Variants in MORN1 observed in about 807,000 individuals in gnomAD.
MORN1 encodes the protein MORN repeat containing 1.
MORN1 carries 67 observed loss-of-function variants against 61.9 expected under a neutral mutation model. That is an observed-to-expected ratio of 1.08 (90% CI 0.89 to 1.33). The LOEUF is 1.33. Among genes scored for constraint, MORN1 ranks in the 40% most tolerant of loss-of-function variants. The pLI is 0.00. For synonymous variants in MORN1, 301 were observed against 292.0 expected (o/e 1.03, Z -0.31); for missense variants, 752 against 691.2 (o/e 1.09, Z -0.99).
intron 10 of MORN1, among the ~76,000 whole-genome samples, chr1:2,338,597 G>A (rs1045154707): frequency 2.0e-5 from 3 of 152,198 alleles, no homozygotes; most frequent in Non-Finnish European, 2.9e-5. Context: ...TGGTTCACAC[G>A]GTGGCGGGGG....
chr1:2,372,121 T>A lies in MORN1; in HGVS notation c.745+360A>T. Reference sequence around the variant, plus strand: ...AGCAGAAAGTAGCCCCTCACTAGAATGGAAGACTGTTCCTCCTAAAAAGGA... The same window carrying A: ...AGCAGAAAGTAGCCCCTCACTAGAAAGGAAGACTGTTCCTCCTAAAAAGGA... On this transcript the variant is annotated intron_variant, in intron 8 of 13. Coordinates refer to ENST00000378531, the MANE Select transcript of MORN1 (RefSeq NM_024848.3). This position sits in a 1 kb window ranked among gnomAD's most constrained non-coding sequence, Gnocchi z 5.4. The A allele has an allele frequency of 4.2e-6, 1 of 239,476 alleles. No homozygotes were observed. The highest frequency in any genetic ancestry group is 5.2e-5 in the South Asian group (1 of 19,108). The allele number at this position is 239,476 out of a possible 1,614,324, so 14.8% of individuals were successfully genotyped here.
At chr1:2,386,144 G>A (rs1642493580) in intron 4 of MORN1, 1 of 519,342 alleles carries the variant, frequency 1.9e-6, no homozygotes. Flanking sequence ...AGCTGACAGG[G>A]CAGCAAAAAT....
At chr1:2,388,799 A>AAG (rs1265589256) in intron 2 of MORN1, among the ~76,000 whole-genome samples, 27 of 129,938 alleles carry the variant, frequency 2.1e-4, no homozygotes, top group East Asian at 7.5e-4. Flanking sequence ...AAAAAAAAAA[A>AAG]AGAGAGAGAG....
intron 12 of MORN1, among the ~76,000 whole-genome samples, chr1:2,335,834 A>AGCCCGGCCCAGCCCAGCCCGGCCCG: frequency 7.0e-6 from 1 of 143,100 alleles, no homozygotes; most frequent in African/African-American, 3.0e-5. Context: ...TCCATAGCCC[A>AGCCCGGCCCAGCCCAGCCCGGCCCG]GCCCAGCCCA....
chr1:2,321,313 CAG>C lies in MORN1; in HGVS notation c.*68_*69del, dbSNP rs1640873694. 1.7e-6 allele frequency: 2 copies of C among 1,152,522 alleles called. No homozygotes were observed. Among genetic ancestry groups the C allele is most frequent in the Non-Finnish European group, 2.4e-6 (2 of 843,194 alleles). The allele number at this position is 1,152,522 out of a possible 1,614,324, so 71.4% of individuals were successfully genotyped here. On this transcript the variant is annotated 3_prime_UTR_variant, in exon 14 of 14. Transcript: ENST00000378531. ...CACGGGGCTCTGGAGAATCGGGGAG[CAG>C]AGTCACGCAAGCAGAGGCAGCGTTT...
intron 13 of MORN1, chr1:2,322,367 C>T (rs748267193): frequency 2.4e-5 from 24 of 985,284 alleles, no homozygotes; most frequent in Non-Finnish European, 2.9e-5. Flanking sequence ...GAAATGGGGG[C>T]AGGAGTCGGC....
intron 10 of MORN1, among the ~76,000 whole-genome samples, chr1:2,346,786 G>A (rs1448515276): frequency 6.6e-5 from 10 of 152,302 alleles, no homozygotes; most frequent in South Asian, 2.1e-4. Context: ...CCCTCAGGGT[G>A]TTCCAGCCCC....
chr1:2,326,927 C>T (rs556211927), intron 12 of MORN1, among the ~76,000 whole-genome samples: 2 of 152,254 alleles, frequency 1.3e-5, no homozygotes, highest in Non-Finnish European at 2.9e-5. Context: ...TGTTCTGCAG[C>T]GCTGGACGTC....
In MORN1 at chr1:2,332,887, G is replaced by A. The variant is rs764405501; in HGVS notation, c.1250+3582C>T. On this transcript the variant is annotated intron_variant, in intron 12 of 13. Coordinates refer to ENST00000378531, the MANE Select transcript of MORN1 (RefSeq NM_024848.3). Reference sequence around the variant, plus strand: ...GCGCCTCGAGGGGCCAAGCTCTGTCGGGGACTGGGGCTCGGGCTGGGGCTC... The same window carrying A: ...GCGCCTCGAGGGGCCAAGCTCTGTCAGGGACTGGGGCTCGGGCTGGGGCTC... 14 of 366,956 alleles carry A rather than the reference G, an allele frequency of 3.8e-5. 1 individual carries two copies. Among genetic ancestry groups the A allele is most frequent in the Middle Eastern group, 8.4e-4 (1 of 1,192 alleles). The allele number at this position is 366,956 out of a possible 1,614,324, so 22.7% of individuals were successfully genotyped here.
At chr1:2,351,777 A>G (rs80172018) in intron 10 of MORN1, 29 of 563,206 alleles carry the variant, frequency 5.1e-5, no homozygotes, top group Non-Finnish European at 9.5e-5. Context: ...GAAGGTGCCA[A>G]TGAAGACTCG....
intron 10 of MORN1, among the ~76,000 whole-genome samples, chr1:2,342,986 G>A (rs1284779311): frequency 2.6e-5 from 4 of 151,430 alleles, no homozygotes; most frequent in Admixed American, 6.6e-5. Context: ...CAATCCTCCC[G>A]CCTCAGCCTC....
At chr1:2,368,666 A>G (rs1280033683) in intron 8 of MORN1, among the ~76,000 whole-genome samples, 1 of 152,198 alleles carries the variant, frequency 6.6e-6, no homozygotes. Flanking sequence ...CAAATGGCCC[A>G]TAGCACACAA....
chr1:2,358,383 C>A (rs1439233820), intron 9 of MORN1, among the ~76,000 whole-genome samples: 2 of 152,024 alleles, frequency 1.3e-5, no homozygotes, highest in Admixed American at 6.5e-5. Flanking sequence ...ACCAGGGGCT[C>A]GCGGTCTCAG....
intron 8 of MORN1, among the ~76,000 whole-genome samples, chr1:2,369,146 T>C (rs933874420): frequency 2.7e-5 from 4 of 150,570 alleles, no homozygotes; most frequent in African/African-American, 4.9e-5. Flanking sequence ...AGTCAGGAGA[T>C]TGAGATCATC....
intron 8 of MORN1, among the ~76,000 whole-genome samples, chr1:2,359,471 C>T (rs1004267976): frequency 3.3e-5 from 5 of 152,248 alleles, no homozygotes; most frequent in East Asian, 1.9e-4. Context: ...GTGGAGGTGG[C>T]GGAGCTGGGT....
chr1:2,385,859 G>A lies in MORN1; in HGVS notation c.397C>T (p.Gln133Ter). Residue 133 changes from glutamine to a stop codon, truncating the protein, a stop_gained, in exon 5 of 14, where the codon CAG becomes TAG. Coordinates refer to ENST00000378531, the MANE Select transcript of MORN1 (RefSeq NM_024848.3). LOFTEE classifies it high-confidence loss of function. ...CTCTTGTTGTCATGGAAGGAGCCCTGGTACACTTGTCCATCCCGGTCCACC... is the reference window on the plus strand; with the variant it reads ...CTCTTGTTGTCATGGAAGGAGCCCTAGTACACTTGTCCATCCCGGTCCACC... ...FLVDRDGQVY[Q>*]GSFHDNKRHG... The A allele has an allele frequency of 6.2e-7, 1 of 1,613,920 alleles. No individual in the cohort carries two copies. The highest frequency in any genetic ancestry group is 2.2e-5 in the East Asian group (1 of 44,882).
chr1:2,382,484 G>A (rs1041935123), intron 6 of MORN1, among the ~76,000 whole-genome samples: 2 of 152,198 alleles, frequency 1.3e-5, no homozygotes, highest in Admixed American at 6.5e-5. Context: ...GTGCACCAGC[G>A]CCGGCCCCAG....
In MORN1 at chr1:2,372,334, C is replaced by A; in HGVS notation, c.745+147G>T. 2 of 628,366 alleles carry A rather than the reference C, an allele frequency of 3.2e-6. No homozygotes were observed. Among genetic ancestry groups the A allele is most frequent in the Non-Finnish European group, 5.6e-6 (2 of 359,700 alleles). The allele number at this position is 628,366 out of a possible 1,614,324, so 38.9% of individuals were successfully genotyped here. On this transcript the variant is annotated intron_variant, in intron 8 of 13. Coordinates refer to ENST00000378531, the MANE Select transcript of MORN1 (RefSeq NM_024848.3). The surrounding 1 kb of genome is among the most constrained non-coding windows in gnomAD (Gnocchi z 5.4). ...ACTGGCAGGGAAGCTGGCACACCTG[C>A]GACCTCTCTGCCAGGCTCTGGGCAC...
chr1:2,355,271 C>A, intron 10 of MORN1: 5 of 1,430,024 alleles, frequency 3.5e-6, no homozygotes, highest in Non-Finnish European at 4.6e-6. Flanking sequence ...CAAGGGGGCG[C>A]GGGCCGGGCC....
Sources: gnomAD v4.1 joint callset for allele counts (sites outside exome capture counted in the v4.1 genomes callset) on GRCh38, gnomAD v4.1.1 for gene constraint, Gnocchi (gnomAD v3.1) non-coding constraint, MANE v1.5 for transcripts, NCBI Gene and HGNC (gene_info 2026-07-23, HGNC 2026-07-21) for gene names.